The following FLRT2 variants were observed in gnomAD, a reference collection of about 807,000 sequenced individuals.
FLRT2 encodes the protein leucine-rich repeat transmembrane protein FLRT2.
A neutral mutation model predicts 40.0 loss-of-function variants in FLRT2; 15 were observed. The observed-to-expected ratio is 0.38, with a 90% CI of 0.25 to 0.58. FLRT2 has a LOEUF of 0.58. FLRT2 is among the 20% of genes least tolerant of loss of function. The pLI, the probability that FLRT2 is intolerant of heterozygous loss-of-function variation, is 0.71. For missense variants in FLRT2, 726 were observed against 840.0 expected (o/e 0.86, Z 1.68); for synonymous variants, 380 against 336.8 (o/e 1.13, Z -1.41).
rs1422687961 is a variant in FLRT2, at chr14:85,644,920, G to T, written c.*21423G>T. 2 of 152,152 alleles carry T rather than the reference G, an allele frequency of 1.3e-5. No individual in the cohort carries two copies. The highest frequency in any genetic ancestry group is 2.9e-5 in the Non-Finnish European group (2 of 68,042). The allele number at this position is 152,152 out of a possible 1,614,324, so 9.4% of individuals were successfully genotyped here. ...GCCAATCTCGTAGGAGATTAATAGCGTAGAGCTCTGTGGTTCTGAAGCAAA... is the reference window on the plus strand; with the variant it reads ...GCCAATCTCGTAGGAGATTAATAGCTTAGAGCTCTGTGGTTCTGAAGCAAA... On this transcript the variant is annotated 3_prime_UTR_variant, in exon 2 of 2. Transcript: ENST00000330753.
intron 1 of FLRT2, among the ~76,000 whole-genome samples, chr14:85,580,544 A>G (rs1891339876): frequency 6.6e-6 from 1 of 152,186 alleles, no homozygotes; most frequent in Admixed American, 6.5e-5. Context: ...ATAAACCTTA[A>G]TAGAGTTTCG....
intron 1 of FLRT2, among the ~76,000 whole-genome samples, chr14:85,574,922 T>A (rs1365689373): frequency 1.3e-5 from 2 of 152,110 alleles, no homozygotes; most frequent in Non-Finnish European, 2.9e-5. Context: ...ACCCAGGACA[T>A]ACCAAACAAG....
chr14:85,590,778 A>G (rs954819841), intron 1 of FLRT2, among the ~76,000 whole-genome samples: 1 of 151,942 alleles, frequency 6.6e-6, no homozygotes. Context: ...TTGTATTTTT[A>G]GTAGAGATGG....
In FLRT2 at chr14:85,636,460, A is replaced by C. The variant is rs1894007620; in HGVS notation, c.*12963A>C. ...TAATTTTCTTTAGTGACAGAAATTC[A>C]AACTTCGAGACATGTTTGAAACATT... On this transcript the variant is annotated 3_prime_UTR_variant, in exon 2 of 2. Coordinates refer to ENST00000330753, the MANE Select transcript of FLRT2 (RefSeq NM_013231.6). 1 of 151,484 alleles carries C rather than the reference A, an allele frequency of 6.6e-6. No individual in the cohort carries two copies. Among genetic ancestry groups the C allele is most frequent in the Non-Finnish European group, 1.5e-5 (1 of 67,916 alleles). 9.4% of individuals were successfully genotyped at this position (151,484 alleles called of 1,614,324 possible).
chr14:85,572,722 A>G (rs1890948330), intron 1 of FLRT2, among the ~76,000 whole-genome samples: 2 of 152,172 alleles, frequency 1.3e-5, no homozygotes, highest in African/African-American at 4.8e-5. Flanking sequence ...CTTCTCATTC[A>G]ATACATTTCG....
At chr14:85,560,000 C>T (rs540792693) in intron 1 of FLRT2, among the ~76,000 whole-genome samples, 3 of 152,280 alleles carry the variant, frequency 2.0e-5, no homozygotes, top group African/African-American at 7.2e-5. Flanking sequence ...TCTCACTCCC[C>T]TCAAGAATTT....
intron 1 of FLRT2, among the ~76,000 whole-genome samples, chr14:85,568,730 G>GCT (rs1890749630): frequency 6.6e-6 from 1 of 152,124 alleles, no homozygotes; most frequent in Non-Finnish European, 1.5e-5. Context: ...AACCTTGGCT[G>GCT]CTCTCTCTCC....
intron 1 of FLRT2, among the ~76,000 whole-genome samples, chr14:85,539,495 C>T (rs934787449): frequency 2.0e-5 from 3 of 151,972 alleles, no homozygotes; most frequent in East Asian, 1.9e-4. Context: ...CTATGATGTA[C>T]GTATTTGGCA....
rs1595106219 is a variant in FLRT2, at chr14:85,630,118, C to T, written c.*6621C>T. On this transcript the variant is annotated 3_prime_UTR_variant, in exon 2 of 2. Transcript: ENST00000330753. ...GTAAACTGGCTTCTGAATTTATGCT[C>T]TTTTTTTTTCCCATAACATAGATAA... The T allele has an allele frequency of 1.3e-5, 2 of 151,032 alleles. No individual in the cohort carries two copies. The highest frequency in any genetic ancestry group is 1.9e-4 in the East Asian group (1 of 5,132). 9.4% of individuals were successfully genotyped at this position (151,032 alleles called of 1,614,324 possible). A position where few individuals can be genotyped will look rare whatever the true frequency, so the allele number is the denominator to read the frequency against.
At position 85,550,038 on chromosome 14, in the gene FLRT2, GAAA is replaced by G. The variant is rs5810259; in HGVS notation, c.-377+19514_-377+19516del. ...AACTCTTACAACCACTTATTTCTGG[GAAA>G]AAAAAAAAAGAAATATTTTCAGCCA... On this transcript the variant is annotated intron_variant, in intron 1 of 1. Transcript: ENST00000330753. 3.9e-3 allele frequency among the ~76,000 whole-genome samples: 576 copies of G among 147,226 alleles called. 4 individuals carry two copies. The highest frequency in any genetic ancestry group is 0.014 in the African/African-American group (557 of 39,984).
chr14:85,597,568 T>A (rs1018759870), intron 1 of FLRT2, among the ~76,000 whole-genome samples: 1 of 152,160 alleles, frequency 6.6e-6, no homozygotes, highest in Admixed American at 6.6e-5. Flanking sequence ...ATATATATAT[T>A]TACTTAAGAT....
At chr14:85,603,567 G>T (rs964239463) in intron 1 of FLRT2, among the ~76,000 whole-genome samples, 8 of 152,078 alleles carry the variant, frequency 5.3e-5, no homozygotes, top group Non-Finnish European at 7.4e-5. Context: ...CATCTTGTTA[G>T]GTAATTAAGA....
intron 1 of FLRT2, among the ~76,000 whole-genome samples, chr14:85,539,601 C>T (rs1178254991): frequency 6.6e-6 from 1 of 152,080 alleles, no homozygotes; most frequent in Non-Finnish European, 1.5e-5. Flanking sequence ...CTATATTCAG[C>T]CTTGTATGAA....
rs1316045561 is a variant in FLRT2 at position 85,626,697 on chromosome 14, C to A, written c.*3200C>A. The A allele has an allele frequency of 6.0e-6, 1 of 166,984 alleles. No individual in the cohort carries two copies. Among genetic ancestry groups the A allele is most frequent in the Non-Finnish European group, 1.5e-5 (1 of 68,094 alleles). 10.3% of individuals were successfully genotyped at this position (166,984 alleles called of 1,614,324 possible). On this transcript the variant is annotated 3_prime_UTR_variant, in exon 2 of 2. Transcript: ENST00000330753. ...GCAGATACGAGGAATGTATCCCCTGCCTATTTTCCTTGTGTAACAAATGGA... is the reference window on the plus strand; with the variant it reads ...GCAGATACGAGGAATGTATCCCCTGACTATTTTCCTTGTGTAACAAATGGA...
At chr14:85,566,937 A>G (rs897914412) in intron 1 of FLRT2, among the ~76,000 whole-genome samples, 2 of 152,194 alleles carry the variant, frequency 1.3e-5, no homozygotes, top group African/African-American at 4.8e-5. Context: ...AGGCAGTATT[A>G]ATATTTCTGT....
chr14:85,617,077 G>C (rs1595090787), intron 1 of FLRT2, among the ~76,000 whole-genome samples: 1 of 151,962 alleles, frequency 6.6e-6, no homozygotes, highest in African/African-American at 2.4e-5. Flanking sequence ...CACTCCAGGG[G>C]ACATATATAT....
rs565418162 is a variant in FLRT2 at position 85,651,023 on chromosome 14, A to C, written c.*27526A>C. 1 of 151,880 alleles carries C rather than the reference A, an allele frequency of 6.6e-6. No homozygotes were observed. The allele number at this position is 151,880 out of a possible 1,614,324, so 9.4% of individuals were successfully genotyped here. A position where few individuals can be genotyped will look rare whatever the true frequency, so the allele number is the denominator to read the frequency against. On this transcript the variant is annotated 3_prime_UTR_variant, in exon 2 of 2. Transcript: ENST00000330753. ...GCCACTGGCCTGTTTTGTTTTTCTTAATATAAGGCTATACATTTCCCTCTA... is the reference window on the plus strand; with the variant it reads ...GCCACTGGCCTGTTTTGTTTTTCTTCATATAAGGCTATACATTTCCCTCTA...
chr14:85,539,958 G>A (rs1888889734), intron 1 of FLRT2, among the ~76,000 whole-genome samples: 1 of 152,080 alleles, frequency 6.6e-6, no homozygotes, highest in African/African-American at 2.4e-5. Context: ...TTCTGAGTTT[G>A]CGCTATTTTG....
intron 1 of FLRT2, among the ~76,000 whole-genome samples, chr14:85,569,959 CCA>C (rs1468624063): frequency 6.6e-6 from 1 of 152,156 alleles, no homozygotes; most frequent in Non-Finnish European, 1.5e-5. Context: ...ATTTTGTCTA[CCA>C]CAGTGTTCTT....
Sources: allele counts gnomAD v4.1 joint callset (sites outside exome capture counted in the v4.1 genomes callset), GRCh38; gene constraint gnomAD v4.1.1; transcripts MANE v1.5; gene names NCBI Gene and HGNC (gene_info 2026-07-23, HGNC 2026-07-21).